Variants in ZNF133 observed in about 807,000 individuals in gnomAD.
ZNF133 encodes zinc finger protein 133.
A neutral mutation model predicts 54.9 loss-of-function variants in ZNF133; 26 were observed. The ratio of observed to expected loss-of-function variants is 0.47; its 90% CI spans 0.35 to 0.66. The LOEUF (loss-of-function observed/expected upper bound fraction) is 0.66. Among genes scored for constraint, ZNF133 ranks in the 30% least tolerant of loss-of-function variants. ZNF133 has a pLI of 0.01. For synonymous variants in ZNF133, 298 were observed against 320.3 expected (o/e 0.93, Z 0.74); for missense variants, 653 against 820.8 (o/e 0.80, Z 2.50).
rs369911228 is a variant in ZNF133, at chr20:18,316,342, G to C, written c.1491G>C (p.Gly497=). The C allele has an allele frequency of 1.1e-5, 18 of 1,612,392 alleles. No homozygotes were observed. Among genetic ancestry groups the C allele is most frequent in the Non-Finnish European group, 1.4e-5 (17 of 1,179,476 alleles). ...CAGGCGAGAAGCCCATGGTGTGTGG[G>C]GAGTGCGGGCGAGGCTTCAGCCAGA... ...THSGEKPMVC[G]ECGRGFSQKS... Residue 497 remains glycine (G), a synonymous_variant, in exon 7 of 7, where the codon GGG becomes GGC. Coordinates refer to ENST00000425686, the MANE Select transcript of ZNF133 (RefSeq NM_001352452.2).
rs923670842 is a variant in ZNF133 at position 18,295,257 on chromosome 20, G to A, written c.-431-2728G>A. 7.9e-5 allele frequency: 12 copies of A among 152,298 alleles called. 2 individuals carry two copies. The highest frequency in any genetic ancestry group is 2.0e-4 in the Admixed American group (3 of 15,274). The allele number at this position is 152,298 out of a possible 1,614,324, so 9.4% of individuals were successfully genotyped here. On this transcript the variant is annotated intron_variant, in intron 1 of 6. Coordinates refer to ENST00000425686, the MANE Select transcript of ZNF133 (RefSeq NM_001352452.2). ...TTCTAGCAGGGGAGCACAGCTACTC[G>A]TATACCCTTGACCGAAGACTGGTCC...
chr20:18,306,740 G>C (rs1351196791), intron 6 of ZNF133: 1 of 1,339,960 alleles, frequency 7.5e-7, no homozygotes, highest in African/African-American at 1.5e-5. Flanking sequence ...GTGACCTACA[G>C]AAAGAAGGCA....
chr20:18,315,023 C>G (rs754929046), intron 6 of ZNF133, 46 bp from the exon 7 acceptor site: 1 of 1,503,180 alleles, frequency 6.7e-7, no homozygotes, highest in Non-Finnish European at 8.9e-7. Flanking sequence ...ATTGCTCAGG[C>G]TGCCCACTGA....
intron 6 of ZNF133, chr20:18,306,865 T>G: frequency 1.2e-6 from 1 of 858,172 alleles, no homozygotes; most frequent in Non-Finnish European, 1.5e-6. Context: ...TATATAAATA[T>G]CTATATAATA....
chr20:18,292,240 A>T (rs573713257), intron 1 of ZNF133, among the ~76,000 whole-genome samples: 32 of 152,330 alleles, frequency 2.1e-4, no homozygotes, highest in Non-Finnish European at 4.1e-4. Context: ...AGGAGATTTT[A>T]AATGTAAATC....
At chr20:18,300,332 A>G (rs1172309722) in intron 3 of ZNF133, among the ~76,000 whole-genome samples, 1 of 152,182 alleles carries the variant, frequency 6.6e-6, no homozygotes, top group African/African-American at 2.4e-5. Flanking sequence ...TGTAGGATGT[A>G]GAGAAAAGCA....
chr20:18,299,895 G>A (rs189417069), intron 3 of ZNF133, among the ~76,000 whole-genome samples: 14 of 152,238 alleles, frequency 9.2e-5, no homozygotes, highest in East Asian at 3.9e-4. Flanking sequence ...AGACATTCTC[G>A]ATAAGTTGGT....
At position 18,305,336 on chromosome 20, in the gene ZNF133, C is replaced by T. The variant is rs2843443; in HGVS notation, c.-7+158C>T. Among the ~76,000 whole-genome samples, 10,680 of 152,150 alleles carry T rather than the reference C, an allele frequency of 0.07. 435 individuals carry two copies. Among genetic ancestry groups the T allele is most frequent in the East Asian group, 0.12 (600 of 5,174 alleles). On this transcript the variant is annotated intron_variant, in intron 4 of 6. Transcript: ENST00000425686. The surrounding 1 kb of genome is among the most constrained non-coding windows in gnomAD (Gnocchi z 4.7). ...ACTGAGTTATAGTGGACTATTTGAT[C>T]TTTTAAATTCTTAAAACTCGGAAAA...
intron 6 of ZNF133, among the ~76,000 whole-genome samples, chr20:18,307,148 A>C (rs542352116): frequency 1.3e-5 from 2 of 152,222 alleles, no homozygotes; most frequent in African/African-American, 4.8e-5. Flanking sequence ...GTTCATCTGG[A>C]TTTGTTTTCT....
intron 3 of ZNF133, among the ~76,000 whole-genome samples, chr20:18,301,331 A>G (rs1431249665): frequency 6.6e-6 from 1 of 152,174 alleles, no homozygotes; most frequent in Non-Finnish European, 1.5e-5. Context: ...ATCTCCAAGG[A>G]ACAACCTAAT....
At chr20:18,307,916 T>C (rs1053426457) in intron 6 of ZNF133, among the ~76,000 whole-genome samples, 4 of 152,232 alleles carry the variant, frequency 2.6e-5, no homozygotes, top group Non-Finnish European at 4.4e-5. Flanking sequence ...TTATCTTCTT[T>C]AAATCAGACA....
chr20:18,314,723 T>C (rs2047040700), intron 6 of ZNF133: 1 of 202,298 alleles, frequency 4.9e-6, no homozygotes, highest in Admixed American at 5.6e-5. Flanking sequence ...AAGAAAGTAC[T>C]TGTGGACATG....
chr20:18,307,871 T>C (rs911785905), intron 6 of ZNF133, among the ~76,000 whole-genome samples: 1 of 152,216 alleles, frequency 6.6e-6, no homozygotes, highest in African/African-American at 2.4e-5. Context: ...TGGTGAGATT[T>C]CCTATCTGTT....
At chr20:18,306,612 C>T (rs1163627481) in intron 6 of ZNF133, 1 of 958,240 alleles carries the variant, frequency 1.0e-6, no homozygotes, top group Non-Finnish European at 1.5e-6. Context: ...CACTAGGAAG[C>T]CTTTTTTCCT....
Position 18,288,580 on chromosome 20 carries a change from G to C in ZNF133, c.-456G>C. The C allele has an allele frequency of 2.5e-6, 1 of 398,676 alleles. No homozygotes were observed. The allele number at this position is 398,676 out of a possible 1,614,324, so 24.7% of individuals were successfully genotyped here. On this transcript the variant is annotated 5_prime_UTR_variant, in exon 1 of 7. Transcript: ENST00000425686. ...GAGCTCCCCAGCTGGTGGCTGGAGCGACCCCTTGTTCTTTGGTGGCGCTGG... is the reference window on the plus strand; with the variant it reads ...GAGCTCCCCAGCTGGTGGCTGGAGCCACCCCTTGTTCTTTGGTGGCGCTGG...
chr20:18,303,291 C>T (rs2043833095), intron 3 of ZNF133, among the ~76,000 whole-genome samples: 2 of 152,294 alleles, frequency 1.3e-5, no homozygotes, highest in South Asian at 4.1e-4. Context: ...AGGTGATCCA[C>T]CTGCCTCGGC....
chr20:18,303,913 T>C (rs1250258969), intron 3 of ZNF133, among the ~76,000 whole-genome samples: 1 of 152,140 alleles, frequency 6.6e-6, no homozygotes, highest in South Asian at 2.1e-4. Context: ...CACCAAAACA[T>C]AGGCAATAAA....
chr20:18,298,832 A>G (rs969272598), intron 3 of ZNF133, among the ~76,000 whole-genome samples: 10 of 152,156 alleles, frequency 6.6e-5, no homozygotes, highest in Admixed American at 1.3e-4. Context: ...TTGAAAAGCA[A>G]CTGCATATGG....
At chr20:18,296,999 A>G (rs897574029) in intron 1 of ZNF133, among the ~76,000 whole-genome samples, 1 of 152,128 alleles carries the variant, frequency 6.6e-6, no homozygotes, top group Non-Finnish European at 1.5e-5. Flanking sequence ...TTTCTAGTGC[A>G]TGTCTTAGAG....
Sources: allele counts gnomAD v4.1 joint callset (sites outside exome capture counted in the v4.1 genomes callset), GRCh38; gene constraint gnomAD v4.1.1; non-coding constraint Gnocchi (gnomAD v3.1); transcripts MANE v1.5; gene names NCBI Gene and HGNC (gene_info 2026-07-23, HGNC 2026-07-21).